Variants in SLC44A5 observed in about 807,000 individuals in gnomAD.
SLC44A5 encodes solute carrier family 44 member 5.
Under a neutral mutation model 101.8 loss-of-function variants are expected in SLC44A5, and 57 were observed. The observed-to-expected ratio is 0.56, with a 90% CI of 0.45 to 0.70. The LOEUF (loss-of-function observed/expected upper bound fraction) is 0.70. Among genes scored for constraint, SLC44A5 ranks in the 30% least tolerant of loss-of-function variants. The pLI is 0.00. For synonymous variants in SLC44A5, 281 were observed against 290.9 expected (o/e 0.97, Z 0.35); for missense variants, 737 against 853.1 (o/e 0.86, Z 1.70).
At chr1:75,423,021 C>T (rs60194830) in intron 2 of SLC44A5, among the ~76,000 whole-genome samples, 14,970 of 152,160 alleles carry the variant, frequency 0.098, 905 homozygotes, top group Admixed American at 0.19. Flanking sequence ...CTCAAAATTC[C>T]CAAGGCTTAA....
intron 5 of SLC44A5, among the ~76,000 whole-genome samples, chr1:75,281,783 G>A (rs1652614071): frequency 1.3e-5 from 2 of 152,104 alleles, no homozygotes; most frequent in Non-Finnish European, 1.5e-5. Flanking sequence ...TCCATATGGT[G>A]TTGGTCCTGT....
At chr1:75,605,992 A>G (rs1229009670) in intron 1 of SLC44A5, among the ~76,000 whole-genome samples, 1 of 152,028 alleles carries the variant, frequency 6.6e-6, no homozygotes, top group Non-Finnish European at 1.5e-5. Context: ...CCTGGTCTCT[A>G]CCCACTGGAT....
chr1:75,418,301 T>A (rs1303349791), intron 2 of SLC44A5, among the ~76,000 whole-genome samples: 1 of 152,166 alleles, frequency 6.6e-6, no homozygotes, highest in African/African-American at 2.4e-5. Context: ...ACAAAATAGA[T>A]ACAATTTTGG....
intron 2 of SLC44A5, among the ~76,000 whole-genome samples, chr1:75,437,837 T>C (rs1404942814): frequency 1.3e-5 from 2 of 152,054 alleles, no homozygotes; most frequent in African/African-American, 2.4e-5. Context: ...TGAGGAGAGA[T>C]TGTTAAAAGA....
intron 4 of SLC44A5, among the ~76,000 whole-genome samples, chr1:75,320,642 C>T (rs745873068): frequency 5.3e-5 from 8 of 152,080 alleles, no homozygotes; most frequent in Non-Finnish European, 1.0e-4. Flanking sequence ...TGCTACCTTT[C>T]CTTAATGGGA....
intron 4 of SLC44A5, among the ~76,000 whole-genome samples, chr1:75,313,035 T>C (rs994507358): frequency 6.6e-6 from 1 of 152,178 alleles, no homozygotes; most frequent in Non-Finnish European, 1.5e-5. Flanking sequence ...CTCAGTTAGA[T>C]TTATCTTGAC....
intron 2 of SLC44A5, among the ~76,000 whole-genome samples, chr1:75,416,494 T>C (rs537002189): frequency 6.6e-6 from 1 of 152,308 alleles, no homozygotes; most frequent in South Asian, 2.1e-4. Flanking sequence ...AAGGGAAATG[T>C]AGGATTGGAG....
chr1:75,322,762 T>TA (rs1656263808), intron 4 of SLC44A5, among the ~76,000 whole-genome samples: 1 of 152,114 alleles, frequency 6.6e-6, no homozygotes, highest in Non-Finnish European at 1.5e-5. Flanking sequence ...ACAGATGTAC[T>TA]TGAAAATGAT....
At chr1:75,692,369 G>A in the SLC44A5 span, among the ~76,000 whole-genome samples, 30 of 151,318 alleles carry the variant, frequency 2.0e-4, no homozygotes, top group African/African-American at 7.0e-4. Context: ...AATTTTTTTT[G>A]TATTTTTAAT....
chr1:75,480,049 C>T lies in SLC44A5; in HGVS notation c.13+61386G>A, dbSNP rs534491224. On this transcript the variant is annotated intron_variant, in intron 2 of 23. Transcript: ENST00000370859. Reference sequence around the variant, plus strand: ...TCTGGCAGCACATCAAAAAGCTTATCCACCATGATCAAGTGGGCTTCATCC... The same window carrying T: ...TCTGGCAGCACATCAAAAAGCTTATTCACCATGATCAAGTGGGCTTCATCC... 5.8e-3 allele frequency among the ~76,000 whole-genome samples: 886 copies of T among 152,302 alleles called. 4 individuals are homozygous for T. Among genetic ancestry groups the T allele is most frequent in the African/African-American group, 0.02 (849 of 41,562 alleles).
chr1:75,459,497 C>T (rs1042366058), intron 2 of SLC44A5, among the ~76,000 whole-genome samples: 3 of 152,120 alleles, frequency 2.0e-5, no homozygotes, highest in African/African-American at 4.8e-5. Context: ...CAGCACCTGA[C>T]AACCACTCGC....
chr1:75,497,930 A>C (rs2101830247), intron 2 of SLC44A5, among the ~76,000 whole-genome samples: 1 of 152,254 alleles, frequency 6.6e-6, no homozygotes, highest in Non-Finnish European at 1.5e-5. Flanking sequence ...ATGACTACAA[A>C]ATTAGTAACA....
rs1553199990 is a variant in SLC44A5 at position 75,537,034 on chromosome 1, A to AAAAAAAAAAAAG, written c.13+4400_13+4401insCTTTTTTTTTTT. The stretch of plus-strand genomic sequence containing the variant: ...AAAAAAAAAAAAAAAAAAAAAAAAA[A>AAAAAAAAAAAAG]TATATATCTATGCCAAATGATTCTG... On this transcript the variant is annotated intron_variant, in intron 2 of 23. Transcript: ENST00000370859. 3.3e-3 allele frequency among the ~76,000 whole-genome samples: 62 copies of AAAAAAAAAAAAG among 18,658 alleles called. 6 individuals are homozygous for AAAAAAAAAAAAG. The highest frequency in any genetic ancestry group is 0.011 in the East Asian group (1 of 94). The allele number at this position is 18,658 out of a possible 152,430, so 12.2% of individuals were successfully genotyped here. A position where few individuals can be genotyped will look rare whatever the true frequency, so the allele number is the denominator to read the frequency against.
Position 75,339,610 on chromosome 1 carries a change from G to A in SLC44A5, c.73C>T (p.Pro25Ser), listed in dbSNP as rs757434928. 5 of 1,607,764 alleles carry A rather than the reference G, an allele frequency of 3.1e-6. No homozygotes were observed. The Admixed American group carries it at 6.7e-5, about 22-fold the overall frequency. Residue 25 changes from proline to serine, a missense_variant, in exon 4 of 24, where the codon CCA becomes TCA. By Grantham distance (74) the Pro-to-Ser change is moderately conservative. This residue lies in a region of SLC44A5 where 665 missense variants were observed against 764.4 expected (regional missense o/e 0.87). Coordinates refer to ENST00000370859, the MANE Select transcript of SLC44A5 (RefSeq NM_001130058.2). ...EDFGDPRTYD[P>S]DFKGPVANRS... ...TTGGCAACAGGCCCCTTGAAATCTG[G>A]GTCATATGTCCTTGGATCACCTGCA...
At chr1:75,706,393 T>C in the SLC44A5 span, among the ~76,000 whole-genome samples, 1 of 152,168 alleles carries the variant, frequency 6.6e-6, no homozygotes, top group Non-Finnish European at 1.5e-5. Context: ...ATTCCATGTA[T>C]ACTTCAATTT....
intron 7 of SLC44A5, among the ~76,000 whole-genome samples, chr1:75,243,873 C>T: frequency 6.6e-6 from 1 of 152,044 alleles, no homozygotes; most frequent in East Asian, 1.9e-4. Flanking sequence ...TTCATGAGGG[C>T]AGATCCTCCT....
Position 75,349,398 on chromosome 1 carries a change from G to A in SLC44A5, c.53-9768C>T, listed in dbSNP as rs569584901. 3.3e-5 allele frequency among the ~76,000 whole-genome samples: 5 copies of A among 152,246 alleles called. No homozygotes were observed. The East Asian group carries it at 5.8e-4, about 18-fold the overall frequency. On this transcript the variant is annotated intron_variant, in intron 3 of 23. Transcript: ENST00000370859. ...AGGATGGAATGTGAGGATGGAATGC[G>A]ATGTTCTAACAGATATCAAATCAGA...
the SLC44A5 span, among the ~76,000 whole-genome samples, chr1:75,674,073 C>A: frequency 2.0e-5 from 3 of 151,982 alleles, no homozygotes; most frequent in Non-Finnish European, 4.4e-5. Flanking sequence ...AAAGAAGACA[C>A]CAGGCACCAG....
intron 4 of SLC44A5, among the ~76,000 whole-genome samples, chr1:75,308,562 A>T (rs563266360): frequency 6.6e-6 from 1 of 152,200 alleles, no homozygotes; most frequent in Non-Finnish European, 1.5e-5. Flanking sequence ...TGCAAATGCT[A>T]ATAAAGTGAA....
Sources: gnomAD v4.1 joint callset for allele counts (sites outside exome capture counted in the v4.1 genomes callset) on GRCh38, gnomAD v4.1.1 for gene constraint, gnomAD v4.1.1 regional missense constraint, MANE v1.5 for transcripts, NCBI Gene and HGNC (gene_info 2026-07-23, HGNC 2026-07-21) for gene names.